RBL1: variants seen among roughly 807,000 people sequenced by gnomAD.
RBL1 encodes RB transcriptional corepressor like 1, also known as retinoblastoma-like protein 1.
RBL1 carries 82 observed loss-of-function variants against 123.0 expected under a neutral mutation model. That is an observed-to-expected ratio of 0.67 (90% CI 0.56 to 0.80). The LOEUF (loss-of-function observed/expected upper bound fraction) is 0.80. Among genes scored for constraint, RBL1 ranks in the 30% least tolerant of loss-of-function variants. The pLI is 0.00. For synonymous variants in RBL1, 405 were observed against 441.3 expected, an observed-to-expected ratio of 0.92 and a Z score of 1.03; for missense variants, 1,171 against 1,299.6, an observed-to-expected ratio of 0.90 and a Z score of 1.52.
chr20:37,086,453 T>G (rs895231823), intron 2 of RBL1, among the ~76,000 whole-genome samples: 5 of 152,046 alleles, frequency 3.3e-5, no homozygotes, highest in African/African-American at 9.7e-5. Context: ...CCAGGCGTGG[T>G]GGCGGGCGCC....
intron 21 of RBL1, among the ~76,000 whole-genome samples, chr20:36,999,708 G>A (rs1212151809): frequency 2.3e-3 from 326 of 141,704 alleles, no homozygotes; most frequent in Middle Eastern, 7.9e-3. Context: ...TGGCCGGGCC[G>A]GTCTCCAGCT....
chr20:37,002,383 G>A (rs144578190), intron 21 of RBL1, among the ~76,000 whole-genome samples: 1,225 of 111,812 alleles, frequency 0.011, 23 homozygotes, highest in African/African-American at 0.038. Context: ...TGCTCTTGTC[G>A]CCCAGGCTGG....
At chr20:37,023,220 C>G (rs989223012) in intron 16 of RBL1, among the ~76,000 whole-genome samples, 1 of 151,880 alleles carries the variant, frequency 6.6e-6, no homozygotes. Flanking sequence ...CTTCTGCATT[C>G]AAGCAATTCT....
intron 2 of RBL1, among the ~76,000 whole-genome samples, chr20:37,075,776 G>C (rs1259394490): frequency 2.0e-5 from 3 of 152,176 alleles, no homozygotes; most frequent in African/African-American, 7.2e-5. Context: ...CTTTTCTAGA[G>C]GCAATTTGGC....
chr20:37,086,935 T>G (rs915547958), intron 2 of RBL1, among the ~76,000 whole-genome samples: 1 of 152,220 alleles, frequency 6.6e-6, no homozygotes, highest in Non-Finnish European at 1.5e-5. Context: ...AGATGTGATA[T>G]CCTCAGGAGA....
chr20:37,095,645 G>A, intron 1 of RBL1, 128 bp downstream of exon 1: 1 of 782,668 alleles, frequency 1.3e-6, no homozygotes, highest in Non-Finnish European at 1.9e-6. Flanking sequence ...CCCGCCCCTC[G>A]GCGCTTGGCT....
Position 37,055,631 on chromosome 20 carries a change from C to T in RBL1, c.1389G>A (p.Leu463=). Residue 463 remains leucine, a synonymous_variant, in exon 11 of 22, where the codon CTG becomes CTA. Transcript: ENST00000373664. The part of the protein sequence containing the change: ...HIDFAVNRLK[L]AEILYYKILE... ...GTATTTTATAATACAAAATTTCTGC[C>T]AGCTTTAGTCTGTTTACAGCAAAGT... 6.2e-7 allele frequency: 1 copy of T among 1,613,092 alleles called. No homozygotes were observed. The highest frequency in any genetic ancestry group is 8.5e-7 in the Non-Finnish European group (1 of 1,179,632).
intron 2 of RBL1, among the ~76,000 whole-genome samples, chr20:37,069,782 A>G (rs1373196790): frequency 1.4e-5 from 2 of 148,004 alleles, no homozygotes; most frequent in African/African-American, 5.1e-5. Flanking sequence ...CAGCACCCCC[A>G]TCCGGGAGGG....
chr20:37,057,037 C>G, intron 9 of RBL1, among the ~76,000 whole-genome samples: 1 of 151,834 alleles, frequency 6.6e-6, no homozygotes, highest in Non-Finnish European at 1.5e-5. Context: ...ACCTACCTAC[C>G]TACCTACCTA....
chr20:37,078,624 T>C (rs2065400684), intron 2 of RBL1, among the ~76,000 whole-genome samples: 1 of 152,184 alleles, frequency 6.6e-6, no homozygotes, highest in African/African-American at 2.4e-5. Context: ...AATCAGCCAT[T>C]TCCTTGAGGA....
Position 37,056,158 on chromosome 20 carries a change from C to T in RBL1, c.1351G>A (p.Gly451Arg). The change falls in exon 10 of 22, where the codon GGA becomes AGA. Residue 451 changes from glycine to arginine, a missense_variant. Transcript: ENST00000373664. Reference sequence around the variant, plus strand: ...TTTCTTTTCTTACCTATGTGAGATCCTGGCTGTTCATCTGTTGATTGAGTA... The same window carrying T: ...TTTCTTTTCTTACCTATGTGAGATCTTGGCTGTTCATCTGTTGATTGAGTA... ...HYTQSTDEQP[G>R]SHIDFAVNRL... 6.2e-7 allele frequency: 1 copy of T among 1,607,636 alleles called. No individual in the cohort carries two copies. The highest frequency in any genetic ancestry group is 8.5e-7 in the Non-Finnish European group (1 of 1,179,008).
intron 18 of RBL1, among the ~76,000 whole-genome samples, chr20:37,019,329 G>C (rs1174622083): frequency 6.6e-6 from 1 of 152,150 alleles, no homozygotes; most frequent in Non-Finnish European, 1.5e-5. Context: ...TCACCTCTGA[G>C]ATAGCTGGAA....
chr20:37,026,357 T>C (rs773106181), intron 16 of RBL1, among the ~76,000 whole-genome samples: 14 of 152,022 alleles, frequency 9.2e-5, no homozygotes, highest in Non-Finnish European at 4.4e-5. Flanking sequence ...AAAAACATGA[T>C]TGAGGAAGAG....
At chr20:37,091,660 T>C (rs2065648253) in intron 1 of RBL1, among the ~76,000 whole-genome samples, 1 of 126,174 alleles carries the variant, frequency 7.9e-6, no homozygotes, top group Non-Finnish European at 1.6e-5. Context: ...AACGAGACTC[T>C]ATCTCAAAAA....
At chr20:37,032,923 A>C (rs376065735) in intron 15 of RBL1, 47 bp from the exon 16 acceptor site, 263 of 1,604,790 alleles carry the variant, frequency 1.6e-4, no homozygotes, top group Non-Finnish European at 2.1e-4. Flanking sequence ...TGTTCTAGGA[A>C]AGTTGTCAAC....
intron 19 of RBL1, among the ~76,000 whole-genome samples, chr20:37,011,393 A>T (rs551076004): frequency 6.6e-6 from 1 of 151,916 alleles, no homozygotes; most frequent in South Asian, 2.1e-4. Flanking sequence ...TATCTCAGTC[A>T]ATGACCAATG....
intron 2 of RBL1, among the ~76,000 whole-genome samples, chr20:37,085,096 G>A (rs146130563): frequency 2.4e-4 from 36 of 151,176 alleles, no homozygotes; most frequent in Non-Finnish European, 3.5e-4. Context: ...GGTTAATTAC[G>A]GAGAGTGCCA....
chr20:37,047,330 C>A, intron 11 of RBL1, 140 bp from the exon 12 acceptor site: 1 of 986,754 alleles, frequency 1.0e-6, no homozygotes, highest in Non-Finnish European at 1.4e-6. Context: ...AATTTGAGTT[C>A]TCAAATTGGT....
intron 3 of RBL1, among the ~76,000 whole-genome samples, 198 bp downstream of exon 3, chr20:37,067,788 A>AG (rs1296999466): frequency 1.1e-4 from 16 of 151,366 alleles, no homozygotes; most frequent in African/African-American, 3.9e-4. Context: ...AAAAAAAAAA[A>AG]AAACAACAAC....
Sources: gnomAD v4.1 joint callset for allele counts (sites outside exome capture counted in the v4.1 genomes callset) on GRCh38, gnomAD v4.1.1 for gene constraint, MANE v1.5 for transcripts, NCBI Gene and HGNC (gene_info 2026-07-23, HGNC 2026-07-21) for gene names.